Variants in MYO7B observed in about 807,000 individuals in gnomAD.
MYO7B encodes unconventional myosin-VIIb.
In MYO7B, 212 loss-of-function variants were observed where a neutral mutation model predicts 259.7. The observed-to-expected ratio is 0.82, with a 90% CI of 0.73 to 0.91. The LOEUF is 0.91. Ranked by LOEUF, MYO7B falls within the 40% of genes least tolerant of loss-of-function variation. The probability of loss-of-function intolerance (pLI) is 0.00; values close to 1 mark genes in which losing one functional copy is unlikely to be tolerated. For missense variants in MYO7B, 2,732 were observed against 2,813.5 expected, an observed-to-expected ratio of 0.97 and a Z score of 0.66; for synonymous variants, 1,197 against 1,166.4, an observed-to-expected ratio of 1.03 and a Z score of -0.54.
At chr2:127,562,239 A>G (rs899511123) in intron 2 of MYO7B, among the ~76,000 whole-genome samples, 1 of 152,150 alleles carries the variant, frequency 6.6e-6, no homozygotes, top group Non-Finnish European at 1.5e-5. Flanking sequence ...AATGAGGTTT[A>G]CTTGTATTTT....
At chr2:127,562,596 T>G (rs1022880183) in intron 2 of MYO7B, among the ~76,000 whole-genome samples, 17 of 146,694 alleles carry the variant, frequency 1.2e-4, no homozygotes, top group Non-Finnish European at 2.2e-4. Flanking sequence ...CAAGCAATTC[T>G]CCTGCGTCAG....
rs10164978 is a variant in MYO7B at position 127,627,649 on chromosome 2, C to G, written c.4460+339C>G. On this transcript the variant is annotated intron_variant, in intron 33 of 47. Coordinates refer to ENST00000409816, the MANE Select transcript of MYO7B (RefSeq NM_001393586.1). The surrounding 1 kb of genome is among the most constrained non-coding windows in gnomAD (Gnocchi z 5.6). Reference sequence around the variant, plus strand: ...CTTTGTCATGGACGAGAACTGGTGGCCTGGAGGGTACAGGTTGTCTGGGAA... The same window carrying G: ...CTTTGTCATGGACGAGAACTGGTGGGCTGGAGGGTACAGGTTGTCTGGGAA... 0.37 allele frequency: 176,603 copies of G among 471,636 alleles called. 35,577 individuals carry two copies. The highest frequency in any genetic ancestry group is 0.53 in the South Asian group (34,030 of 64,698). 29.2% of individuals were successfully genotyped at this position (471,636 alleles called of 1,614,324 possible).
At chr2:127,569,601 T>C (rs1216493056) in intron 5 of MYO7B, among the ~76,000 whole-genome samples, 188 bp from the exon 6 acceptor site, 1 of 151,970 alleles carries the variant, frequency 6.6e-6, no homozygotes, top group Non-Finnish European at 1.5e-5. Context: ...CACAATAACA[T>C]GTACAACACA....
intron 40 of MYO7B, 83 bp downstream of exon 40, chr2:127,633,446 C>G: frequency 7.3e-7 from 1 of 1,364,858 alleles, no homozygotes; most frequent in Non-Finnish European, 1.0e-6. Context: ...CAGCCTGCTC[C>G]TTGGTAACCC....
intron 1 of MYO7B, among the ~76,000 whole-genome samples, chr2:127,551,584 A>G (rs1282657041): frequency 3.3e-5 from 5 of 152,254 alleles, no homozygotes; most frequent in Non-Finnish European, 7.3e-5. Flanking sequence ...TCTCTTTTGA[A>G]GGGAGATGTG....
chr2:127,561,772 A>C (rs1021438445), intron 2 of MYO7B, among the ~76,000 whole-genome samples: 1 of 152,198 alleles, frequency 6.6e-6, no homozygotes, highest in African/African-American at 2.4e-5. Context: ...ACCCAGCCGG[A>C]CTGTCTGACT....
At chr2:127,536,729 T>C (rs184818116) in intron 1 of MYO7B, among the ~76,000 whole-genome samples, 1 of 152,342 alleles carries the variant, frequency 6.6e-6, no homozygotes, top group Non-Finnish European at 1.5e-5. Flanking sequence ...AATTTTGCTC[T>C]AATTTATCAG....
intron 1 of MYO7B, among the ~76,000 whole-genome samples, chr2:127,536,843 A>C (rs958482098): frequency 1.3e-5 from 2 of 152,106 alleles, no homozygotes; most frequent in African/African-American, 2.4e-5. Context: ...ATCTCCCTGG[A>C]CCTGCTGGGG....
At chr2:127,591,920 T>A (rs907444129) in intron 16 of MYO7B, among the ~76,000 whole-genome samples, 3 of 152,296 alleles carry the variant, frequency 2.0e-5, no homozygotes, top group Admixed American at 6.5e-5. Flanking sequence ...CCCCAGCCAC[T>A]CCAGGTCTCA....
intron 1 of MYO7B, among the ~76,000 whole-genome samples, chr2:127,552,688 C>T (rs2104824828): frequency 6.6e-6 from 1 of 152,186 alleles, no homozygotes; most frequent in South Asian, 2.1e-4. Context: ...GGGAGGAGGG[C>T]AGGACCACGG....
intron 40 of MYO7B, among the ~76,000 whole-genome samples, chr2:127,633,877 A>G (rs1346080573): frequency 1.3e-5 from 2 of 152,150 alleles, no homozygotes; most frequent in South Asian, 2.1e-4. Flanking sequence ...CAACAGCACA[A>G]TGGTCTTTTT....
intron 16 of MYO7B, 70 bp from the exon 17 acceptor site, chr2:127,592,724 G>A: frequency 6.5e-7 from 1 of 1,543,086 alleles, no homozygotes; most frequent in South Asian, 1.2e-5. Flanking sequence ...GCCCGGTGGT[G>A]GGGTGCCGGG....
intron 20 of MYO7B, 67 bp downstream of exon 20, chr2:127,605,995 T>C: frequency 7.6e-7 from 1 of 1,319,896 alleles, no homozygotes; most frequent in Non-Finnish European, 1.1e-6. Flanking sequence ...AAAGACAGAT[T>C]TGTAAAGTTT....
chr2:127,616,684 T>C (rs1382803169), intron 26 of MYO7B, among the ~76,000 whole-genome samples: 1 of 152,226 alleles, frequency 6.6e-6, no homozygotes, highest in Admixed American at 6.5e-5. Context: ...GATCCAATCC[T>C]GCATTTCCAG....
chr2:127,559,208 G>T lies in MYO7B; in HGVS notation c.-23-492G>T, dbSNP rs1677963162. The stretch of plus-strand genomic sequence containing the variant: ...CTAAGGACAGGTTTGAAAGGAGGCA[G>T]ATCCGGGTTTGATTCCCAGCTGTGC... On this transcript the variant is annotated intron_variant, in intron 1 of 47. Transcript: ENST00000409816. This position sits in a 1 kb window ranked among gnomAD's most constrained non-coding sequence, Gnocchi z 4.1. 6.6e-6 allele frequency among the ~76,000 whole-genome samples: 1 copy of T among 152,244 alleles called. No homozygotes were observed. The highest frequency in any genetic ancestry group is 1.5e-5 in the Non-Finnish European group (1 of 68,050).
intron 4 of MYO7B, 78 bp from the exon 5 acceptor site, chr2:127,566,565 A>G: frequency 1.4e-6 from 2 of 1,391,090 alleles, no homozygotes; most frequent in Non-Finnish European, 1.9e-6. Flanking sequence ...GCAGAGCCAG[A>G]GCCAAGGCCA....
rs1678864101 is a variant in MYO7B at position 127,576,347 on chromosome 2, G to A, written c.736-248G>A. Among the ~76,000 whole-genome samples the A allele has an allele frequency of 2.0e-5, 3 of 152,232 alleles. No individual in the cohort carries two copies. The highest frequency in any genetic ancestry group is 1.3e-4 in the Admixed American group (2 of 15,292). On this transcript the variant is annotated intron_variant, in intron 7 of 47. Transcript: ENST00000409816. This position sits in a 1 kb window ranked among gnomAD's most constrained non-coding sequence, Gnocchi z 4.9. The stretch of plus-strand genomic sequence containing the variant: ...GCCTGGAGACTTTGGGCACAGCAGT[G>A]TCAGGGCTTCGAGGAGCAGTCAAGA...
Position 127,625,470 on chromosome 2 carries a change from C to G in MYO7B, c.4150C>G (p.His1384Asp), listed in dbSNP as rs777308486. The change falls in exon 31 of 48, where the codon CAC becomes GAC. Residue 1384 changes from histidine to aspartate, a missense_variant. Around this residue, in one of 3 missense-constraint regions of MYO7B, gnomAD observed 1,906 missense variants for 2,026.4 expected, o/e 0.94. Coordinates refer to ENST00000409816, the MANE Select transcript of MYO7B (RefSeq NM_001393586.1). ...GGAGCTGCTGCCCAGCTGCATCCCC[C>G]ACAAGCTGTACAGGACCAAGCCCCC... is the stretch of plus-strand genomic sequence containing the variant. ...VQELLPSCIP[H>D]KLYRTKPPDR... The G allele has an allele frequency of 1.9e-6, 3 of 1,612,480 alleles. No homozygotes were observed. The highest frequency in any genetic ancestry group is 1.1e-5 in the South Asian group (1 of 91,036).
At position 127,569,824 on chromosome 2, in the gene MYO7B, AGC is replaced by A; in HGVS notation, c.507_508del (p.Lys169AsnfsTer17). 6.2e-7 allele frequency: 1 copy of A among 1,613,330 alleles called. No homozygotes were observed. Among genetic ancestry groups the A allele is most frequent in the Non-Finnish European group, 8.5e-7 (1 of 1,179,498 alleles). ...GGGGCTGGCAAGACGGAGACCACCAAGCTCATCCTGCAGTTCCTGGCCACCAT... is the reference window on the plus strand; with the variant it reads ...GGGGCTGGCAAGACGGAGACCACCAATCATCCTGCAGTTCCTGGCCACCAT... On this transcript the variant is annotated frameshift_variant, in exon 6 of 48. Coordinates refer to ENST00000409816, the MANE Select transcript of MYO7B (RefSeq NM_001393586.1). LOFTEE classifies it high-confidence loss of function.
Sources: allele counts gnomAD v4.1 joint callset (sites outside exome capture counted in the v4.1 genomes callset), GRCh38; gene constraint gnomAD v4.1.1; regional missense constraint gnomAD v4.1.1; non-coding constraint Gnocchi (gnomAD v3.1); transcripts MANE v1.5; gene names NCBI Gene and HGNC (gene_info 2026-07-23, HGNC 2026-07-21).